Variants in CSMD1 observed in about 807,000 individuals in gnomAD.
CSMD1 encodes CUB and Sushi multiple domains 1.
A neutral mutation model predicts 417.5 loss-of-function variants in CSMD1; 213 were observed. That is an observed-to-expected ratio of 0.51 (90% confidence interval 0.46 to 0.57). The LOEUF is 0.57. CSMD1 is among the 20% of genes least tolerant of loss of function. The pLI is 0.00. For synonymous variants in CSMD1, 2,862 were observed against 1,736.8 expected (o/e 1.65, Z -16.11); for missense variants, 6,923 against 4,529.7 (o/e 1.53, Z -15.17).
intron 3 of CSMD1, among the ~76,000 whole-genome samples, chr8:4,054,572 C>G (rs1056126486): frequency 1.3e-5 from 2 of 152,148 alleles, no homozygotes; most frequent in East Asian, 1.9e-4. Flanking sequence ...GTTCAACCCT[C>G]TTGGTGGTGT....
At chr8:4,092,987 G>A (rs1017890184) in intron 3 of CSMD1, among the ~76,000 whole-genome samples, 1 of 151,874 alleles carries the variant, frequency 6.6e-6, no homozygotes, top group Non-Finnish European at 1.5e-5. Context: ...TATACATAGT[G>A]GGGGTCAAAG....
chr8:3,484,977 AG>A (rs1817941770), intron 11 of CSMD1, among the ~76,000 whole-genome samples: 1 of 152,186 alleles, frequency 6.6e-6, no homozygotes, highest in Non-Finnish European at 1.5e-5. Context: ...GTGATGTTGG[AG>A]AACCATGCTG....
intron 3 of CSMD1, among the ~76,000 whole-genome samples, chr8:4,251,850 G>A (rs923895976): frequency 6.9e-6 from 1 of 144,498 alleles, no homozygotes; most frequent in African/African-American, 2.5e-5. Flanking sequence ...GATGCAGGAG[G>A]AGAGATGGAG....
At chr8:2,992,783 C>G (rs572149364) in intron 54 of CSMD1, among the ~76,000 whole-genome samples, 3 of 151,838 alleles carry the variant, frequency 2.0e-5, no homozygotes, top group African/African-American at 7.2e-5. Context: ...TGCTCTGTTG[C>G]CCAGGCTGGA....
At chr8:3,170,571 G>A (rs566853256) in intron 37 of CSMD1, among the ~76,000 whole-genome samples, 4 of 152,290 alleles carry the variant, frequency 2.6e-5, no homozygotes, top group South Asian at 2.1e-4. Flanking sequence ...AGAATATACT[G>A]CATTTTAAGT....
chr8:3,949,789 C>T (rs940716543), intron 5 of CSMD1, among the ~76,000 whole-genome samples: 1 of 152,136 alleles, frequency 6.6e-6, no homozygotes, highest in Non-Finnish European at 1.5e-5. Flanking sequence ...GCACTGTTGC[C>T]TCTAACACAT....
At chr8:4,022,250 C>T (rs930508009) in intron 4 of CSMD1, among the ~76,000 whole-genome samples, 1 of 149,966 alleles carries the variant, frequency 6.7e-6, no homozygotes, top group East Asian at 1.9e-4. Context: ...TTGGTCTATG[C>T]CTCACTATTC....
At chr8:3,222,786 A>T (rs1018703926) in intron 28 of CSMD1, among the ~76,000 whole-genome samples, 2 of 152,226 alleles carry the variant, frequency 1.3e-5, no homozygotes, top group Admixed American at 1.3e-4. Context: ...GTGGCAGTTT[A>T]GTAAATTCAG....
intron 2 of CSMD1, among the ~76,000 whole-genome samples, chr8:4,473,974 T>G (rs949006964): frequency 4.6e-5 from 7 of 152,120 alleles, no homozygotes; most frequent in Non-Finnish European, 7.4e-5. Context: ...TAGGTACCTG[T>G]GTCAAAAGAG....
In CSMD1 at chr8:4,466,673, T is replaced by A. The variant is rs150622431; in HGVS notation, c.303-46608A>T. 1.7e-3 allele frequency among the ~76,000 whole-genome samples: 255 copies of A among 152,258 alleles called. 1 individual carries two copies. Among genetic ancestry groups the A allele is most frequent in the African/African-American group, 5.8e-3 (240 of 41,554 alleles). On this transcript the variant is annotated intron_variant, in intron 2 of 69. Coordinates refer to ENST00000635120, the MANE Select transcript of CSMD1 (RefSeq NM_033225.6). ...TTTTCAGAACAAATATAACTCTGAGTTGGGATATGTTCTCCAGTCCCAGCT... is the reference window on the plus strand; with the variant it reads ...TTTTCAGAACAAATATAACTCTGAGATGGGATATGTTCTCCAGTCCCAGCT...
At chr8:3,230,877 A>G (rs144375253) in intron 26 of CSMD1, among the ~76,000 whole-genome samples, 21 of 152,150 alleles carry the variant, frequency 1.4e-4, no homozygotes, top group African/African-American at 4.6e-4. Flanking sequence ...CTTTCTGCAT[A>G]TATATAAAGA....
intron 25 of CSMD1, among the ~76,000 whole-genome samples, chr8:3,289,253 T>A (rs1306940880): frequency 6.8e-6 from 1 of 147,208 alleles, no homozygotes; most frequent in Non-Finnish European, 1.5e-5. Flanking sequence ...TGGTTCCACG[T>A]CTTTGCTATT....
At chr8:4,898,247 T>A (rs1472793940) in intron 1 of CSMD1, among the ~76,000 whole-genome samples, 1 of 152,122 alleles carries the variant, frequency 6.6e-6, no homozygotes. Flanking sequence ...TCGGGGTGCT[T>A]AGATGACTTG....
chr8:4,441,595 C>T (rs1235700), intron 2 of CSMD1, among the ~76,000 whole-genome samples: 103,758 of 151,886 alleles, frequency 0.68, 36,008 homozygotes, highest in East Asian at 0.83. Flanking sequence ...ATGTTCAATA[C>T]ATTTGATAAT....
intron 3 of CSMD1, among the ~76,000 whole-genome samples, chr8:4,369,293 C>T (rs79452950): frequency 6.6e-6 from 1 of 151,810 alleles, no homozygotes; most frequent in East Asian, 1.9e-4. Context: ...TTTGTTTGTG[C>T]TGTTTTATTT....
intron 3 of CSMD1, among the ~76,000 whole-genome samples, chr8:4,148,118 C>T (rs569203537): frequency 2.6e-5 from 4 of 152,150 alleles, no homozygotes; most frequent in South Asian, 2.1e-4. Context: ...CTTTGATGCG[C>T]GTGACATGCT....
chr8:3,493,218 C>G (rs775495876), intron 11 of CSMD1, among the ~76,000 whole-genome samples: 3 of 147,276 alleles, frequency 2.0e-5, no homozygotes, highest in Admixed American at 1.4e-4. Context: ...TGCTTGAACC[C>G]GGGAGGCGGA....
At chr8:4,581,658 C>A (rs1799423600) in intron 2 of CSMD1, among the ~76,000 whole-genome samples, 1 of 152,124 alleles carries the variant, frequency 6.6e-6, no homozygotes, top group Non-Finnish European at 1.5e-5. Context: ...AAGGGGAGTT[C>A]ATTTGAATCT....
intron 20 of CSMD1, among the ~76,000 whole-genome samples, chr8:3,365,850 C>A (rs1809529333): frequency 6.6e-6 from 1 of 152,186 alleles, no homozygotes; most frequent in African/African-American, 2.4e-5. Flanking sequence ...GATCCCCGCA[C>A]AGTGGAACAT....
Sources: gnomAD v4.1 joint callset for allele counts (sites outside exome capture counted in the v4.1 genomes callset) on GRCh38, gnomAD v4.1.1 for gene constraint, MANE v1.5 for transcripts, NCBI Gene and HGNC (gene_info 2026-07-23, HGNC 2026-07-21) for gene names.